Variants in RPS6KA5 observed in about 807,000 individuals in gnomAD.
The protein encoded by RPS6KA5 is ribosomal protein S6 kinase alpha-5.
RPS6KA5 carries 27 observed loss-of-function variants against 85.5 expected under a neutral mutation model. The ratio of observed to expected loss-of-function variants is 0.32; its 90% CI spans 0.23 to 0.44. The LOEUF (loss-of-function observed/expected upper bound fraction) is 0.44. RPS6KA5 is among the 20% of genes least tolerant of loss of function. The pLI is 1.00. For synonymous variants in RPS6KA5, 334 were observed against 348.2 expected, an observed-to-expected ratio of 0.96 and a Z score of 0.46; for missense variants, 811 against 980.9, an observed-to-expected ratio of 0.83 and a Z score of 2.31.
At chr14:91,018,599 C>G (rs2041605140) in intron 1 of RPS6KA5, among the ~76,000 whole-genome samples, 2 of 152,182 alleles carry the variant, frequency 1.3e-5, no homozygotes, top group Admixed American at 1.3e-4. Context: ...TCCTTCTGTT[C>G]CTCCTGCCTT....
Position 90,870,510 on chromosome 14 carries a change from A to G in RPS6KA5, c.*1564T>C, listed in dbSNP as rs2033030733. 6.6e-6 allele frequency: 1 copy of G among 152,180 alleles called. No individual in the cohort carries two copies. Among genetic ancestry groups the G allele is most frequent in the Admixed American group, 6.5e-5 (1 of 15,282 alleles). 9.4% of individuals were successfully genotyped at this position (152,180 alleles called of 1,614,324 possible). The stretch of plus-strand genomic sequence containing the variant: ...TTTTTTGCCTGTGCTATTAATATAT[A>G]CATTGATTTAGTAATAAATATACTA... On this transcript the variant is annotated 3_prime_UTR_variant, in exon 17 of 17. Transcript: ENST00000614987.
rs1595079590 is a variant in RPS6KA5 at position 90,860,972 on chromosome 14, A to G, written c.*11102T>C. On this transcript the variant is annotated 3_prime_UTR_variant, in exon 17 of 17. Coordinates refer to ENST00000614987, the MANE Select transcript of RPS6KA5 (RefSeq NM_004755.4). Reference sequence around the variant, plus strand: ...AATGGTGCGACCTTGGCTCACTGCAACCTCCCTCTTCCGGGTTCAAGCGTT... The same window carrying G: ...AATGGTGCGACCTTGGCTCACTGCAGCCTCCCTCTTCCGGGTTCAAGCGTT... 6.7e-6 allele frequency: 1 copy of G among 150,026 alleles called. No individual in the cohort carries two copies. Among genetic ancestry groups the G allele is most frequent in the South Asian group, 2.1e-4 (1 of 4,686 alleles). 9.3% of individuals were successfully genotyped at this position (150,026 alleles called of 1,614,324 possible).
chr14:90,973,729 GTTA>G (rs536913774), intron 3 of RPS6KA5, among the ~76,000 whole-genome samples: 21 of 152,012 alleles, frequency 1.4e-4, no homozygotes, highest in Non-Finnish European at 3.1e-4. Flanking sequence ...TTACAACCAC[GTTA>G]TATTATGTTA....
At chr14:90,939,784 A>C (rs2037473631) in intron 5 of RPS6KA5, among the ~76,000 whole-genome samples, 1 of 152,144 alleles carries the variant, frequency 6.6e-6, no homozygotes, top group Non-Finnish European at 1.5e-5. Flanking sequence ...TCAAGATGAG[A>C]TTTGGGTGGG....
chr14:90,960,416 G>A (rs891196189), intron 3 of RPS6KA5, among the ~76,000 whole-genome samples: 1 of 152,054 alleles, frequency 6.6e-6, no homozygotes, highest in Non-Finnish European at 1.5e-5. Context: ...GGAATGTGGC[G>A]GATTCTGGGC....
chr14:91,030,611 G>GAAAAAAAAAAAAAAT (rs2042147137), intron 1 of RPS6KA5, among the ~76,000 whole-genome samples: 1 of 22,024 alleles, frequency 4.5e-5, no homozygotes, highest in Non-Finnish European at 9.1e-5. Context: ...AAAATAAACA[G>GAAAAAAAAAAAAAAT]AAAAAAAAAA....
Position 90,872,087 on chromosome 14 carries a change from T to C in RPS6KA5, c.2396A>G (p.Asp799Gly). Reference sequence around the variant, plus strand: ...CTCCTACCATGCCTAAGCTACTGAGTCCGAGAACTGGAAGAGGGTCTCCGG... The same window carrying C: ...CTCCTACCATGCCTAAGCTACTGAGCCCGAGAACTGGAAGAGGGTCTCCGG... ...NNPETLFQFSDSVA is the reference protein window; with the variant it reads ...NNPETLFQFSGSVA Residue 799 changes from aspartate to glycine, a missense_variant, in exon 17 of 17, where the codon GAC becomes GGC. By Grantham distance (94) the Asp-to-Gly change is moderately conservative. Around this residue, in one of 3 missense-constraint regions of RPS6KA5, gnomAD observed 650 missense variants for 793.4 expected, o/e 0.82. Coordinates refer to ENST00000614987, the MANE Select transcript of RPS6KA5 (RefSeq NM_004755.4). The C allele has an allele frequency of 6.2e-7, 1 of 1,612,806 alleles. No homozygotes were observed. The highest frequency in any genetic ancestry group is 8.5e-7 in the Non-Finnish European group (1 of 1,179,440).
chr14:91,020,610 C>T (rs1403152413), intron 1 of RPS6KA5, among the ~76,000 whole-genome samples: 7 of 36,492 alleles, frequency 1.9e-4, no homozygotes, highest in Non-Finnish European at 3.1e-4. Context: ...ATGTATATAT[C>T]CTATTGTGTG....
intron 1 of RPS6KA5, among the ~76,000 whole-genome samples, chr14:91,042,412 TGAGGCAGAGAATTTCTTAAACCTGG>T: frequency 6.6e-6 from 1 of 152,238 alleles, no homozygotes; most frequent in South Asian, 2.1e-4. Flanking sequence ...TTCCGGAGGC[TGAGGCAGAGAATTTCTTAAACCTGG>T]GAGGCAGAGG....
At chr14:90,991,007 C>T (rs893755040) in intron 2 of RPS6KA5, among the ~76,000 whole-genome samples, 1 of 151,968 alleles carries the variant, frequency 6.6e-6, no homozygotes, top group Non-Finnish European at 1.5e-5. Flanking sequence ...CAAACCTGAA[C>T]ATGTACCCCC....
intron 3 of RPS6KA5, among the ~76,000 whole-genome samples, chr14:90,977,729 A>C (rs755962205): frequency 2.0e-5 from 3 of 152,212 alleles, no homozygotes; most frequent in Non-Finnish European, 4.4e-5. Flanking sequence ...AGGGAGGTAG[A>C]TACCCCTAAC....
intron 5 of RPS6KA5, among the ~76,000 whole-genome samples, chr14:90,932,217 G>A (rs755515864): frequency 6.6e-6 from 1 of 152,060 alleles, no homozygotes; most frequent in Admixed American, 6.6e-5. Context: ...TCTGCCTCCC[G>A]GATTCAAGCA....
chr14:90,889,010 G>C (rs2034396604), intron 14 of RPS6KA5, among the ~76,000 whole-genome samples: 1 of 152,062 alleles, frequency 6.6e-6, no homozygotes, highest in African/African-American at 2.4e-5. Flanking sequence ...ATTCATAAAA[G>C]AGGCTGGGCA....
intron 2 of RPS6KA5, among the ~76,000 whole-genome samples, chr14:91,000,744 G>A (rs2040753104): frequency 6.6e-6 from 1 of 152,162 alleles, no homozygotes; most frequent in Non-Finnish European, 1.5e-5. Context: ...AGAGGTTGCA[G>A]TGAGCTGAGA....
intron 15 of RPS6KA5, among the ~76,000 whole-genome samples, chr14:90,874,615 T>C (rs1018854292): frequency 7.9e-5 from 12 of 152,116 alleles, no homozygotes; most frequent in Non-Finnish European, 1.5e-5. Context: ...CATAATCACA[T>C]AGGGATTCTA....
intron 8 of RPS6KA5, among the ~76,000 whole-genome samples, chr14:90,905,894 A>G (rs60120219): frequency 0.076 from 11,522 of 152,142 alleles, 1,198 homozygotes; most frequent in African/African-American, 0.23. Context: ...AGAAAATTGA[A>G]TGCTATTATG....
chr14:91,060,142 G>T, intron 1 of RPS6KA5, 190 bp downstream of exon 1: 5 of 984,220 alleles, frequency 5.1e-6, no homozygotes, highest in Non-Finnish European at 6.0e-6. Context: ...ACTTTCGGCC[G>T]CCTCCCCCAA....
At chr14:91,031,727 G>GA (rs200852959) in intron 1 of RPS6KA5, among the ~76,000 whole-genome samples, 4 of 151,354 alleles carry the variant, frequency 2.6e-5, no homozygotes, top group South Asian at 2.1e-4. Flanking sequence ...TTTAAGGAAG[G>GA]AAAAAAAACA....
chr14:90,880,570 T>C (rs568182089), intron 14 of RPS6KA5, among the ~76,000 whole-genome samples: 28 of 152,224 alleles, frequency 1.8e-4, no homozygotes, highest in Non-Finnish European at 3.8e-4. Flanking sequence ...TATGTGTCCA[T>C]TAGATCTAGT....
Sources: allele counts gnomAD v4.1 joint callset (sites outside exome capture counted in the v4.1 genomes callset), GRCh38; gene constraint gnomAD v4.1.1; regional missense constraint gnomAD v4.1.1; transcripts MANE v1.5; gene names NCBI Gene and HGNC (gene_info 2026-07-23, HGNC 2026-07-21).